Variants in PCDHA9 observed in about 807,000 individuals in gnomAD.
PCDHA9 encodes protocadherin alpha 9.
In PCDHA9, 62 loss-of-function variants were observed where a neutral mutation model predicts 62.0. The ratio of observed to expected loss-of-function variants is 1.00; its 90% CI spans 0.81 to 1.23. The LOEUF (loss-of-function observed/expected upper bound fraction) is 1.23. PCDHA9 is among the 50% of genes most tolerant of loss of function. The pLI is 0.00. For synonymous variants in PCDHA9, 557 were observed against 567.6 expected (o/e 0.98, Z 0.27); for missense variants, 1,205 against 1,249.8 (o/e 0.96, Z 0.54).
At chr5:140,869,140 C>A in intron 1 of PCDHA9, 8 of 1,613,188 alleles carry the variant, frequency 5.0e-6, no homozygotes, top group African/African-American at 1.3e-5. Context: ...GGGCACCCCA[C>A]GACTACAGCT....
intron 1 of PCDHA9, among the ~76,000 whole-genome samples, chr5:140,905,373 G>A (rs556428182): frequency 6.6e-6 from 1 of 152,118 alleles, no homozygotes; most frequent in East Asian, 1.9e-4. Context: ...CTGGTTCTCT[G>A]TTCTGTTTCA....
rs373601874 is a variant in PCDHA9, at chr5:140,873,473, C to T, written c.2394+22584C>T. ...TTTGCATTTTAGATAATTCAAATTACTTGGACTGATTTCTGCAAAGTTGTG... is the reference window on the plus strand; with the variant it reads ...TTTGCATTTTAGATAATTCAAATTATTTGGACTGATTTCTGCAAAGTTGTG... On this transcript the variant is annotated intron_variant, in intron 1 of 3. Transcript: ENST00000532602. Among the ~76,000 whole-genome samples the T allele has an allele frequency of 1.5e-4, 23 of 152,180 alleles. No homozygotes were observed. The East Asian group carries it at 2.3e-3, about 15-fold the overall frequency.
chr5:140,905,368 T>G (rs536118800), intron 1 of PCDHA9, among the ~76,000 whole-genome samples: 47 of 152,336 alleles, frequency 3.1e-4, no homozygotes, highest in Non-Finnish European at 4.6e-4. Flanking sequence ...TATTTCTGGT[T>G]CTCTGTTCTG....
At chr5:140,858,604 A>AT (rs2045515312) in intron 1 of PCDHA9, 6 of 1,276,560 alleles carry the variant, frequency 4.7e-6, no homozygotes, top group Non-Finnish European at 4.3e-6. Context: ...GAGTTTTAAA[A>AT]TTTTTTTATC....
intron 1 of PCDHA9, among the ~76,000 whole-genome samples, chr5:140,945,282 T>C (rs1554216856): frequency 6.6e-6 from 1 of 152,062 alleles, no homozygotes; most frequent in African/African-American, 2.4e-5. Context: ...TTTAAAACAT[T>C]GATGAAAGAA....
intron 1 of PCDHA9, among the ~76,000 whole-genome samples, chr5:140,895,035 C>T (rs1235775113): frequency 6.6e-6 from 1 of 152,104 alleles, no homozygotes; most frequent in East Asian, 1.9e-4. Context: ...AATTGTCCCC[C>T]ACCCACACCA....
chr5:140,856,396 C>T, intron 1 of PCDHA9: 1 of 1,598,526 alleles, frequency 6.3e-7, no homozygotes, highest in Non-Finnish European at 8.6e-7. Context: ...TGCAGGTTTT[C>T]CATGTGGACG....
At chr5:140,999,845 T>G (rs1293721817) in intron 3 of PCDHA9, among the ~76,000 whole-genome samples, 1 of 152,188 alleles carries the variant, frequency 6.6e-6, no homozygotes, top group Non-Finnish European at 1.5e-5. Flanking sequence ...CAAGTGTATT[T>G]ATCTCTTCCG....
At chr5:140,990,542 C>T (rs2097399330) in intron 3 of PCDHA9, among the ~76,000 whole-genome samples, 1 of 152,180 alleles carries the variant, frequency 6.6e-6, no homozygotes, top group South Asian at 2.1e-4. Context: ...ATCATAGATA[C>T]TGTATTACCC....
At chr5:140,957,893 C>T (rs1554223179) in intron 1 of PCDHA9, among the ~76,000 whole-genome samples, 1 of 151,938 alleles carries the variant, frequency 6.6e-6, no homozygotes, top group Non-Finnish European at 1.5e-5. Flanking sequence ...AAGTTGGCAT[C>T]AACCAAGGCA....
intron 1 of PCDHA9, chr5:140,869,931 G>C (rs2051507983): frequency 6.2e-7 from 1 of 1,611,492 alleles, no homozygotes; most frequent in Admixed American, 1.7e-5. Flanking sequence ...TCAATGGAGA[G>C]GTAACATACT....
intron 1 of PCDHA9, among the ~76,000 whole-genome samples, chr5:140,905,589 G>T (rs1336272963): frequency 4.6e-5 from 7 of 152,084 alleles, no homozygotes; most frequent in African/African-American, 1.7e-4. Context: ...ATGATATTTT[G>T]CTGGGAATTG....
chr5:140,966,699 C>A, intron 1 of PCDHA9: 1 of 1,361,588 alleles, frequency 7.3e-7, no homozygotes, highest in Non-Finnish European at 9.4e-7. Context: ...GGGGCCCGGG[C>A]GTGGGGCACG....
At chr5:140,878,174 T>C (rs1554170323) in intron 1 of PCDHA9, 2 of 167,818 alleles carry the variant, frequency 1.2e-5, no homozygotes, top group African/African-American at 2.4e-5. Flanking sequence ...TGTTCATAAT[T>C]TCAAGATTAC....
chr5:140,914,510 A>G (rs900880100), intron 1 of PCDHA9, among the ~76,000 whole-genome samples: 1 of 152,100 alleles, frequency 6.6e-6, no homozygotes, highest in Non-Finnish European at 1.5e-5. Context: ...TCATTGGGTC[A>G]TGTTTTTTCA....
intron 1 of PCDHA9, chr5:140,927,132 G>C: frequency 6.2e-7 from 1 of 1,614,052 alleles, no homozygotes; most frequent in Non-Finnish European, 8.5e-7. Context: ...TCAGAGAGCC[G>C]GCGGACCGCG....
At chr5:140,993,720 T>C (rs1201014213) in intron 3 of PCDHA9, among the ~76,000 whole-genome samples, 2 of 152,172 alleles carry the variant, frequency 1.3e-5, no homozygotes, top group Non-Finnish European at 2.9e-5. Context: ...TTACTGTACC[T>C]TTTCTATGTT....
intron 1 of PCDHA9, among the ~76,000 whole-genome samples, chr5:140,908,585 G>A (rs782742805): frequency 3.9e-5 from 6 of 152,160 alleles, no homozygotes; most frequent in South Asian, 4.1e-4. Flanking sequence ...AGAGTAGTTA[G>A]CTGCAGAAGA....
At chr5:140,869,180 T>TG in intron 1 of PCDHA9, 1 of 1,613,322 alleles carries the variant, frequency 6.2e-7, no homozygotes. Context: ...TTCTGGGAGG[T>TG]GGGGAGCGGC....
Sources: gnomAD v4.1 joint callset for allele counts (sites outside exome capture counted in the v4.1 genomes callset) on GRCh38, gnomAD v4.1.1 for gene constraint, MANE v1.5 for transcripts, NCBI Gene and HGNC (gene_info 2026-07-23, HGNC 2026-07-21) for gene names.